PCCA: variants seen among roughly 807,000 people sequenced by gnomAD.
PCCA encodes propionyl-CoA carboxylase subunit alpha, also known as propionyl-CoA carboxylase alpha chain, mitochondrial.
A neutral mutation model predicts 101.3 loss-of-function variants in PCCA; 74 were observed. The observed-to-expected ratio is 0.73, with a 90% confidence interval of 0.61 to 0.89. PCCA has a LOEUF of 0.89. PCCA is among the 40% of genes least tolerant of loss of function. The probability of loss-of-function intolerance (pLI) is 0.00; values close to 1 mark genes in which losing one functional copy is unlikely to be tolerated. For missense variants in PCCA, 891 were observed against 907.0 expected (o/e 0.98, Z 0.23); for synonymous variants, 294 against 313.6 (o/e 0.94, Z 0.66).
chr13:100,206,880 T>A (rs769407038), intron 6 of PCCA, among the ~76,000 whole-genome samples: 1 of 152,138 alleles, frequency 6.6e-6, no homozygotes, highest in Non-Finnish European at 1.5e-5. Flanking sequence ...CTCATCCCCA[T>A]AGAGAAAAGG....
chr13:100,094,349 ACT>A (rs2046575195), intron 1 of PCCA, among the ~76,000 whole-genome samples: 1 of 152,032 alleles, frequency 6.6e-6, no homozygotes, highest in African/African-American at 2.4e-5. Flanking sequence ...TTTTGACAAC[ACT>A]CTTGAATAGT....
At chr13:100,465,629 C>T (rs1377087732) in intron 21 of PCCA, among the ~76,000 whole-genome samples, 1 of 152,214 alleles carries the variant, frequency 6.6e-6, no homozygotes, top group Non-Finnish European at 1.5e-5. Context: ...GGACAATTCT[C>T]TGTTGTGGGA....
chr13:100,297,186 G>C (rs957351920), intron 12 of PCCA, among the ~76,000 whole-genome samples: 2 of 152,182 alleles, frequency 1.3e-5, no homozygotes, highest in Non-Finnish European at 2.9e-5. Flanking sequence ...TGTTGGCTTT[G>C]TTAAGGAGGT....
At chr13:100,126,499 CT>C (rs2049966617) in intron 4 of PCCA, among the ~76,000 whole-genome samples, 1 of 151,758 alleles carries the variant, frequency 6.6e-6, no homozygotes, top group South Asian at 2.1e-4. Flanking sequence ...AAGCATGAAT[CT>C]TTTCCACCAT....
Position 100,301,729 on chromosome 13 carries a change from TAATTA to T in PCCA, c.1209+130_1209+134del, listed in dbSNP as rs1409481049. On this transcript the variant is annotated intron_variant, in intron 13 of 23. Coordinates refer to ENST00000376285, the MANE Select transcript of PCCA (RefSeq NM_000282.4). ...GCCAACTATTGGATTACGTAATCCA[TAATTA>T]AATCAGAAAAAAATTAGATAATTTT... 7 of 1,091,888 alleles carry T rather than the reference TAATTA, an allele frequency of 6.4e-6. No homozygotes were observed. In the African/African-American group the frequency reaches 9.3e-5, roughly 14 times the overall value. 67.6% of individuals were successfully genotyped at this position (1,091,888 alleles called of 1,614,324 possible).
chr13:100,469,758 C>T (rs56342645), intron 21 of PCCA, among the ~76,000 whole-genome samples: 34,798 of 151,480 alleles, frequency 0.23, 4,126 homozygotes, highest in Non-Finnish European at 0.25. Flanking sequence ...CCAGCCTGGG[C>T]GACAGAGTTA....
At chr13:100,158,805 A>T (rs1477576533) in intron 6 of PCCA, among the ~76,000 whole-genome samples, 1 of 152,050 alleles carries the variant, frequency 6.6e-6, no homozygotes, top group Admixed American at 6.6e-5. Flanking sequence ...TGCATTGTCT[A>T]TGCTGCTTTT....
At chr13:100,376,776 G>A (rs886222991) in intron 19 of PCCA, among the ~76,000 whole-genome samples, 10 of 152,188 alleles carry the variant, frequency 6.6e-5, no homozygotes, top group African/African-American at 2.4e-4. Context: ...AAGACCACTT[G>A]GCTCCTTGGC....
chr13:100,209,534 AT>A, intron 7 of PCCA, 71 bp downstream of exon 7: 1 of 1,336,390 alleles, frequency 7.5e-7, no homozygotes, highest in East Asian at 2.3e-5. Flanking sequence ...ATAAGATAAA[AT>A]GTAACTATTG....
At chr13:100,094,688 A>G (rs1230398554) in intron 1 of PCCA, among the ~76,000 whole-genome samples, 3 of 152,152 alleles carry the variant, frequency 2.0e-5, no homozygotes, top group Non-Finnish European at 4.4e-5. Context: ...CCGGGGTTCA[A>G]GTGATTCTCC....
At chr13:100,485,697 C>G (rs989515288) in intron 21 of PCCA, among the ~76,000 whole-genome samples, 1 of 152,190 alleles carries the variant, frequency 6.6e-6, no homozygotes, top group African/African-American at 2.4e-5. Flanking sequence ...TCTTATCTGA[C>G]AGTTCTTGGG....
intron 21 of PCCA, chr13:100,466,234 T>G (rs977648072): frequency 6.6e-6 from 1 of 152,264 alleles, no homozygotes; most frequent in Non-Finnish European, 1.5e-5. Flanking sequence ...TAAGCATCAC[T>G]TCACAGTGAC....
chr13:100,449,219 G>A, intron 20 of PCCA, 33 bp from the exon 21 acceptor site: 1 of 1,375,106 alleles, frequency 7.3e-7, no homozygotes, highest in South Asian at 1.3e-5. Flanking sequence ...GTGCAGATAT[G>A]AGTTCATTTT....
rs1428739826 is a variant in PCCA at position 100,416,557 on chromosome 13, GA to G, written c.1747-9075del. Among the ~76,000 whole-genome samples the G allele has an allele frequency of 4.0e-5, 6 of 148,372 alleles. No individual in the cohort carries two copies. The Admixed American group carries it at 4.1e-4, about 10-fold the overall frequency. ...GTGTGTATGTATTTTTTTTTTTATG[GA>G]GTCTTGCTCTGTTGCCCAGGGTAGA... is the stretch of plus-strand genomic sequence containing the variant. On this transcript the variant is annotated intron_variant, in intron 19 of 23. Transcript: ENST00000376285.
chr13:100,155,246 C>T (rs1436942485), intron 5 of PCCA, among the ~76,000 whole-genome samples, 154 bp downstream of exon 5: 1 of 152,152 alleles, frequency 6.6e-6, no homozygotes, highest in Admixed American at 6.5e-5. Context: ...GAATTCGCTA[C>T]TGGAAATCAA....
At chr13:100,387,273 C>T (rs1193152932) in intron 19 of PCCA, among the ~76,000 whole-genome samples, 1 of 152,122 alleles carries the variant, frequency 6.6e-6, no homozygotes, top group African/African-American at 2.4e-5. Context: ...AAGCTGAGTC[C>T]GAACAGTTCC....
intron 10 of PCCA, among the ~76,000 whole-genome samples, chr13:100,265,581 C>G (rs573843310): frequency 2.2e-4 from 34 of 152,278 alleles, no homozygotes; most frequent in Middle Eastern, 3.4e-3. Context: ...CCTACACCCA[C>G]CCACTCCCAC....
At chr13:100,263,617 C>G (rs529314020) in intron 10 of PCCA, among the ~76,000 whole-genome samples, 2 of 152,104 alleles carry the variant, frequency 1.3e-5, no homozygotes, top group South Asian at 4.2e-4. Context: ...CATTTCAATC[C>G]TCAAATTTTC....
chr13:100,126,790 C>T (rs2049999430), intron 4 of PCCA, among the ~76,000 whole-genome samples: 1 of 152,006 alleles, frequency 6.6e-6, no homozygotes, highest in African/African-American at 2.4e-5. Context: ...TACAGATGAA[C>T]ACCATTTTTT....
Sources: gnomAD v4.1 joint callset for allele counts (sites outside exome capture counted in the v4.1 genomes callset) on GRCh38, gnomAD v4.1.1 for gene constraint, MANE v1.5 for transcripts, NCBI Gene and HGNC (gene_info 2026-07-23, HGNC 2026-07-21) for gene names.